Variants in PPP3R1 observed in about 807,000 individuals in gnomAD.
PPP3R1 encodes the protein calcineurin subunit B type 1.
In PPP3R1, 5 loss-of-function variants were observed where a neutral mutation model predicts 22.6. The observed-to-expected ratio is 0.22, with a 90% CI of 0.12 to 0.46. The LOEUF is 0.46. PPP3R1 is among the 20% of genes least tolerant of loss of function. PPP3R1 has a pLI of 0.99. For missense variants in PPP3R1, 61 were observed against 203.2 expected (o/e 0.30, Z 4.25); for synonymous variants, 56 against 65.2 (o/e 0.86, Z 0.68).
Position 68,188,599 on chromosome 2 carries a change from A to G in PPP3R1, c.135T>C (p.Ser45=). Residue 45 remains serine, a synonymous_variant, in exon 3 of 6, where the codon TCT becomes TCC. Transcript: ENST00000234310. ...AAGGATTCTGTTGTAACTCAGGCAG[A>G]GACATGAACTCTTCCACACTCAAAG... ...SGSLSVEEFM[S]LPELQQNPLV... is the part of the protein sequence containing the mutation. 6.2e-7 allele frequency: 1 copy of G among 1,613,496 alleles called. No individual in the cohort carries two copies. Among genetic ancestry groups the G allele is most frequent in the Non-Finnish European group, 8.5e-7 (1 of 1,179,602 alleles).
intron 2 of PPP3R1, among the ~76,000 whole-genome samples, chr2:68,209,556 C>A (rs577621169): frequency 1.3e-5 from 2 of 151,808 alleles, no homozygotes; most frequent in South Asian, 4.2e-4. Context: ...AAGTTTGAGA[C>A]AAGCCTGGTA....
At chr2:68,220,661 G>C (rs1317815783) in intron 1 of PPP3R1, among the ~76,000 whole-genome samples, 43 of 152,158 alleles carry the variant, frequency 2.8e-4, no homozygotes, top group Admixed American at 2.5e-3. Flanking sequence ...AACAGCATAA[G>C]ATTCACAATG....
chr2:68,180,538 G>C lies in PPP3R1; in HGVS notation c.*425C>G, dbSNP rs1405679246. The C allele has an allele frequency of 6.5e-6, 1 of 152,672 alleles. No individual in the cohort carries two copies. The highest frequency in any genetic ancestry group is 1.5e-5 in the Non-Finnish European group (1 of 68,196). 9.5% of individuals were successfully genotyped at this position (152,672 alleles called of 1,614,324 possible). A position where few individuals can be genotyped will look rare whatever the true frequency, so the allele number is the denominator to read the frequency against. On this transcript the variant is annotated 3_prime_UTR_variant, in exon 6 of 6. Transcript: ENST00000234310. ...AGTAAGGATGTTTTATGTTCTGCTT[G>C]GCACTTTTGTACTCTATTGTTTTGT...
rs570571597 is a variant in PPP3R1, at chr2:68,195,887, CTT to C, written c.44-7199_44-7198del. On this transcript the variant is annotated intron_variant, in intron 2 of 5. Coordinates refer to ENST00000234310, the MANE Select transcript of PPP3R1 (RefSeq NM_000945.4). The stretch of plus-strand genomic sequence containing the variant: ...GCTCCTATGCGGCCTTTCCAACAAC[CTT>C]TTTTTTTTTTTTAAGTACTTCCTTA... Among the ~76,000 whole-genome samples, 970 of 141,662 alleles carry C rather than the reference CTT, an allele frequency of 6.8e-3. 8 individuals are homozygous for C. Among genetic ancestry groups the C allele is most frequent in the African/African-American group, 0.024 (930 of 38,814 alleles). The allele number at this position is 141,662 out of a possible 152,430, so 92.9% of individuals were successfully genotyped here. A position where few individuals can be genotyped will look rare whatever the true frequency, so the allele number is the denominator to read the frequency against.
intron 2 of PPP3R1, among the ~76,000 whole-genome samples, chr2:68,198,520 T>C (rs1364766888): frequency 6.6e-6 from 1 of 151,364 alleles, no homozygotes; most frequent in Non-Finnish European, 1.5e-5. Flanking sequence ...CATATATGAA[T>C]GAATGAGTCT....
chr2:68,251,798 G>C (rs984578413), intron 1 of PPP3R1, among the ~76,000 whole-genome samples: 11 of 150,910 alleles, frequency 7.3e-5, no homozygotes, highest in African/African-American at 2.7e-4. Context: ...GAGTGCGCCG[G>C]GCTGATGGTC....
At chr2:68,247,548 T>C (rs1164186395) in intron 1 of PPP3R1, among the ~76,000 whole-genome samples, 1 of 152,196 alleles carries the variant, frequency 6.6e-6, no homozygotes, top group Non-Finnish European at 1.5e-5. Context: ...TCTTGCAACA[T>C]AGCATCCCAA....
chr2:68,185,217 C>CA (rs1305057114), intron 5 of PPP3R1, among the ~76,000 whole-genome samples: 2,450 of 70,178 alleles, frequency 0.035, 54 homozygotes, highest in African/African-American at 0.091. Flanking sequence ...GACTCCGTTT[C>CA]AAAAAAAAAA....
chr2:68,236,376 T>A (rs1670020778), intron 1 of PPP3R1, among the ~76,000 whole-genome samples: 2 of 151,700 alleles, frequency 1.3e-5, no homozygotes, highest in Non-Finnish European at 2.9e-5. Flanking sequence ...AAGCCTCAAA[T>A]ATTTATTATC....
intron 2 of PPP3R1, among the ~76,000 whole-genome samples, chr2:68,204,487 G>T (rs1265434677): frequency 6.6e-6 from 1 of 151,940 alleles, no homozygotes; most frequent in African/African-American, 2.4e-5. Flanking sequence ...TAAAAATATT[G>T]ACTATGAAAC....
intron 2 of PPP3R1, among the ~76,000 whole-genome samples, chr2:68,202,536 T>C (rs533974630): frequency 2.6e-4 from 39 of 152,144 alleles, no homozygotes; most frequent in Middle Eastern, 3.4e-3. Context: ...GTGATTCTCC[T>C]GTCTCAGCCT....
chr2:68,249,303 T>TC (rs1278725710), intron 1 of PPP3R1, among the ~76,000 whole-genome samples: 1 of 152,180 alleles, frequency 6.6e-6, no homozygotes, highest in Admixed American at 6.5e-5. Flanking sequence ...AGACAGGTTT[T>TC]TTTTTTTCTA....
At chr2:68,246,451 A>T (rs1670238688) in intron 1 of PPP3R1, among the ~76,000 whole-genome samples, 1 of 152,084 alleles carries the variant, frequency 6.6e-6, no homozygotes, top group Admixed American at 6.5e-5. Context: ...TGCTACTCAA[A>T]GCTTTAAAAA....
intron 2 of PPP3R1, among the ~76,000 whole-genome samples, chr2:68,194,504 A>G (rs1415175989): frequency 4.6e-5 from 7 of 152,124 alleles, no homozygotes. Flanking sequence ...AAGGTTACAT[A>G]TTCATTCATC....
chr2:68,245,625 T>C (rs943194965), intron 1 of PPP3R1, among the ~76,000 whole-genome samples: 9 of 152,230 alleles, frequency 5.9e-5, no homozygotes. Flanking sequence ...AACTCTATAT[T>C]TAAAATGCCT....
intron 1 of PPP3R1, among the ~76,000 whole-genome samples, chr2:68,222,992 T>C (rs555444735): frequency 1.3e-5 from 2 of 152,248 alleles, no homozygotes; most frequent in African/African-American, 4.8e-5. Flanking sequence ...TCCAAAAACA[T>C]ACCAATCCTA....
intron 1 of PPP3R1, among the ~76,000 whole-genome samples, chr2:68,237,371 T>C (rs1670037950): frequency 6.6e-6 from 1 of 152,136 alleles, no homozygotes; most frequent in Non-Finnish European, 1.5e-5. Flanking sequence ...ATTTTACAAA[T>C]ATAACTTTTT....
chr2:68,218,115 C>T (rs1669613295), intron 1 of PPP3R1, among the ~76,000 whole-genome samples: 1 of 152,068 alleles, frequency 6.6e-6, no homozygotes. Flanking sequence ...TACGAAGCAT[C>T]CTATATTCTA....
intron 5 of PPP3R1, among the ~76,000 whole-genome samples, chr2:68,182,080 T>A (rs1868401): frequency 1.6e-4 from 6 of 37,400 alleles, no homozygotes; most frequent in Admixed American, 1.1e-3. Context: ...AACCCCCCCC[T>A]CCCCCCACCA....
Sources: gnomAD v4.1 joint callset for allele counts (sites outside exome capture counted in the v4.1 genomes callset) on GRCh38, gnomAD v4.1.1 for gene constraint, MANE v1.5 for transcripts, NCBI Gene and HGNC (gene_info 2026-07-23, HGNC 2026-07-21) for gene names.